The following IL20RA variants were observed in gnomAD, a reference collection of about 807,000 sequenced individuals.
The protein encoded by IL20RA is interleukin-20 receptor subunit alpha.
In IL20RA, 29 loss-of-function variants were observed where a neutral mutation model predicts 36.5. The observed-to-expected ratio is 0.79, with a 90% confidence interval of 0.59 to 1.08. The LOEUF is 1.08. Among genes scored for constraint, IL20RA ranks in the 50% least tolerant of loss-of-function variants. The pLI is 0.00. For synonymous variants in IL20RA, 279 were observed against 267.1 expected, an observed-to-expected ratio of 1.04 and a Z score of -0.43; for missense variants, 652 against 668.4, an observed-to-expected ratio of 0.98 and a Z score of 0.27.
At position 137,009,373 on chromosome 6, in the gene IL20RA, T is replaced by C. The variant is rs1775392546; in HGVS notation, c.523A>G (p.Ile175Val). The change falls in exon 4 of 7, where the codon ATA becomes GTA. Residue 175 changes from isoleucine to valine, a missense_variant. Coordinates refer to ENST00000316649, the MANE Select transcript of IL20RA (RefSeq NM_014432.4). ...PEDLPVSMQQIYSNLKYNVSV... is the reference protein window; with the variant it reads ...PEDLPVSMQQVYSNLKYNVSV... ...ACGTTATACTTCAGATTGGAGTATA[T>C]TTGTTGCATGGAAACAGGAAGGTCT... The C allele has an allele frequency of 1.2e-6, 2 of 1,613,202 alleles. No individual in the cohort carries two copies. The highest frequency in any genetic ancestry group is 1.7e-6 in the Non-Finnish European group (2 of 1,179,194).
chr6:137,044,638 T>C lies in IL20RA; in HGVS notation c.88+3A>G. ...CCCGCACCTGGCGGCGCGACCCACC[T>C]ACCTGCCCGTCCCCAAGGCGCCGCC... is the stretch of plus-strand genomic sequence containing the variant. On this transcript the variant is annotated splice_donor_region_variant and intron_variant, in intron 1 of 6. Coordinates refer to ENST00000316649, the MANE Select transcript of IL20RA (RefSeq NM_014432.4). The C allele has an allele frequency of 1.6e-6, 2 of 1,218,308 alleles. No individual in the cohort carries two copies. Among genetic ancestry groups the C allele is most frequent in the East Asian group, 3.3e-5 (1 of 30,512 alleles). 75.5% of individuals were successfully genotyped at this position (1,218,308 alleles called of 1,614,324 possible).
At chr6:137,019,635 A>G (rs1189637731) in intron 1 of IL20RA, among the ~76,000 whole-genome samples, 1 of 152,208 alleles carries the variant, frequency 6.6e-6, no homozygotes, top group Non-Finnish European at 1.5e-5. Context: ...TCTGTCAATA[A>G]TTAATGTTCA....
rs1188809232 is a variant in IL20RA, at chr6:137,030,070, G to GTTTTTTTTTTTT, written c.89-12979_89-12968dup. Among the ~76,000 whole-genome samples the GTTTTTTTTTTTT allele has an allele frequency of 5.9e-4, 37 of 62,860 alleles. 5 individuals carry two copies. The highest frequency in any genetic ancestry group is 8.6e-4 in the Non-Finnish European group (32 of 37,208). The allele number at this position is 62,860 out of a possible 152,430, so 41.2% of individuals were successfully genotyped here. On this transcript the variant is annotated intron_variant, in intron 1 of 6. Transcript: ENST00000316649. The stretch of plus-strand genomic sequence containing the variant: ...GGTGGAAAATGTCAGCGGTTTGCGG[G>GTTTTTTTTTTTT]TTTTTTTTTTTTTTTTTTTTTTTTT...
At position 137,044,630 on chromosome 6, in the gene IL20RA, G is replaced by T; in HGVS notation, c.88+11C>A. On this transcript the variant is annotated intron_variant, in intron 1 of 6. Transcript: ENST00000316649. ...ATCCCCGACCCGCACCTGGCGGCGCGACCCACCTACCTGCCCGTCCCCAAG... is the reference window on the plus strand; with the variant it reads ...ATCCCCGACCCGCACCTGGCGGCGCTACCCACCTACCTGCCCGTCCCCAAG... 1.6e-6 allele frequency: 2 copies of T among 1,221,190 alleles called. No individual in the cohort carries two copies. Among genetic ancestry groups the T allele is most frequent in the South Asian group, 8.3e-5 (2 of 24,070 alleles). 75.6% of individuals were successfully genotyped at this position (1,221,190 alleles called of 1,614,324 possible).
intron 1 of IL20RA, among the ~76,000 whole-genome samples, chr6:137,030,236 A>G (rs1369541274): frequency 6.6e-6 from 1 of 151,778 alleles, no homozygotes; most frequent in Non-Finnish European, 1.5e-5. Context: ...GCATGCCACC[A>G]TGACTGGCTA....
chr6:137,026,460 A>G (rs1776092399), intron 1 of IL20RA, among the ~76,000 whole-genome samples: 1 of 152,228 alleles, frequency 6.6e-6, no homozygotes, highest in Non-Finnish European at 1.5e-5. Flanking sequence ...CAGTCAGAAG[A>G]TACTCAACAG....
chr6:137,043,242 C>T (rs370111983), intron 1 of IL20RA, among the ~76,000 whole-genome samples: 147 of 152,164 alleles, frequency 9.7e-4, no homozygotes, highest in Non-Finnish European at 1.6e-3. Context: ...TTTGCCACCA[C>T]GTCTGGCTAG....
At chr6:137,006,730 T>C (rs1775298209) in intron 5 of IL20RA, among the ~76,000 whole-genome samples, 1 of 151,568 alleles carries the variant, frequency 6.6e-6, no homozygotes, top group Admixed American at 6.6e-5. Flanking sequence ...TTCTTTCTTT[T>C]TTTTTTTTTT....
intron 2 of IL20RA, among the ~76,000 whole-genome samples, chr6:137,016,021 C>T (rs1295155368): frequency 6.6e-6 from 1 of 152,140 alleles, no homozygotes; most frequent in African/African-American, 2.4e-5. Flanking sequence ...CCATTATTCC[C>T]TTTGCTCCCT....
intron 1 of IL20RA, among the ~76,000 whole-genome samples, chr6:137,038,518 A>T (rs557398420): frequency 1.8e-4 from 27 of 152,098 alleles, no homozygotes; most frequent in African/African-American, 6.3e-4. Flanking sequence ...TTTTATATGT[A>T]ATTGATAGAC....
intron 1 of IL20RA, among the ~76,000 whole-genome samples, chr6:137,024,444 G>A (rs757485086): frequency 5.2e-4 from 79 of 152,200 alleles, no homozygotes; most frequent in Non-Finnish European, 9.6e-4. Flanking sequence ...CTGGAAGCAT[G>A]GCTCTGATTC....
intron 1 of IL20RA, among the ~76,000 whole-genome samples, chr6:137,027,055 G>C (rs902617558): frequency 1.3e-5 from 2 of 151,924 alleles, no homozygotes; most frequent in African/African-American, 4.8e-5. Flanking sequence ...GCTAATTTTT[G>C]TATTTTTAGT....
rs531501235 is a variant in IL20RA at position 137,004,159 on chromosome 6, C to CGTTTTTTTTTTTTTTTTTTTTTTTTTTTT, written c.864+461_864+462insAAAAAAAAAAAAAAAAAAAAAAAAAAAAC. On this transcript the variant is annotated intron_variant, in intron 6 of 6. Coordinates refer to ENST00000316649, the MANE Select transcript of IL20RA (RefSeq NM_014432.4). ...TCTGTTAGTCAGCTAATCCAGAAAGCTTTTTTTTTTTTTTTTTTTTTTTTT... is the reference window on the plus strand; with the variant it reads ...TCTGTTAGTCAGCTAATCCAGAAAGCGTTTTTTTTTTTTTTTTTTTTTTTTTTTTTTTTTTTTTTTTTTTTTTTTTTTTT... 4.5e-5 allele frequency among the ~76,000 whole-genome samples: 4 copies of CGTTTTTTTTTTTTTTTTTTTTTTTTTTTT among 88,014 alleles called. 2 individuals carry two copies. Among genetic ancestry groups the CGTTTTTTTTTTTTTTTTTTTTTTTTTTTT allele is most frequent in the Admixed American group, 2.6e-4 (2 of 7,676 alleles). 57.7% of individuals were successfully genotyped at this position (88,014 alleles called of 152,430 possible).
At chr6:137,016,898 T>C (rs911392319) in intron 2 of IL20RA, 70 bp downstream of exon 2, 1 of 1,379,068 alleles carries the variant, frequency 7.3e-7, no homozygotes, top group Non-Finnish European at 1.0e-6. Flanking sequence ...GGAGAGTTTA[T>C]CTTTACACAA....
chr6:137,024,731 G>T (rs1776025350), intron 1 of IL20RA, among the ~76,000 whole-genome samples: 1 of 151,952 alleles, frequency 6.6e-6, no homozygotes, highest in Non-Finnish European at 1.5e-5. Flanking sequence ...GAGACCCCTT[G>T]GTTTTCCATG....
intron 1 of IL20RA, 53 bp downstream of exon 1, chr6:137,044,588 G>A (rs1776830524): frequency 2.5e-6 from 3 of 1,217,046 alleles, no homozygotes; most frequent in Non-Finnish European, 3.1e-6. Context: ...TGCCTGGCGG[G>A]GCCCCGGCCT....
At position 137,004,730 on chromosome 6, in the gene IL20RA, A is replaced by G; in HGVS notation, c.755T>C (p.Ile252Thr). The G allele has an allele frequency of 6.3e-7, 1 of 1,599,818 alleles. No homozygotes were observed. Among genetic ancestry groups the G allele is most frequent in the Non-Finnish European group, 8.5e-7 (1 of 1,176,166 alleles). Residue 252 changes from isoleucine to threonine, a missense_variant, in exon 6 of 7, where the codon ATC (isoleucine) becomes ACC (threonine). Physicochemically the swap from Ile to Thr is moderately conservative, Grantham distance 89. Coordinates refer to ENST00000316649, the MANE Select transcript of IL20RA (RefSeq NM_014432.4). Reference protein sequence around the residue: ...DQSSEFKAKIIFWYVLPVSIT... With the variant: ...DQSSEFKAKITFWYVLPVSIT... ...AGATACGGGCAAAACATACCAGAAG[A>G]TGATTTTAGCCTTGAACTCTGATGA...
Position 137,000,182 on chromosome 6 carries a change from C to A in IL20RA, c.*1376G>T, listed in dbSNP as rs1366773218. 6.6e-6 allele frequency: 1 copy of A among 152,138 alleles called. No individual in the cohort carries two copies. The highest frequency in any genetic ancestry group is 1.5e-5 in the Non-Finnish European group (1 of 68,028). 9.4% of individuals were successfully genotyped at this position (152,138 alleles called of 1,614,324 possible). On this transcript the variant is annotated 3_prime_UTR_variant, in exon 7 of 7. Coordinates refer to ENST00000316649, the MANE Select transcript of IL20RA (RefSeq NM_014432.4). ...GAAACTGTTTGCATTTGCGGATAAT[C>A]ACGAAAGGTCATGACCCCAGAATCC...
chr6:137,005,364 T>A (rs1240167319), intron 5 of IL20RA, among the ~76,000 whole-genome samples: 5 of 152,168 alleles, frequency 3.3e-5, no homozygotes, highest in Non-Finnish European at 7.3e-5. Context: ...GAATGGCAGT[T>A]AACTCCCTTC....
Sources: gnomAD v4.1 joint callset for allele counts (sites outside exome capture counted in the v4.1 genomes callset) on GRCh38, gnomAD v4.1.1 for gene constraint, MANE v1.5 for transcripts, NCBI Gene and HGNC (gene_info 2026-07-23, HGNC 2026-07-21) for gene names.